Variants in PDE4D observed in about 807,000 individuals in gnomAD.
PDE4D encodes the protein phosphodiesterase 4D.
PDE4D carries 24 observed loss-of-function variants against 87.4 expected under a neutral mutation model. The observed-to-expected ratio is 0.27, with a 90% CI of 0.20 to 0.39. The LOEUF (loss-of-function observed/expected upper bound fraction) is 0.39, where lower values mean the gene tolerates loss of function less well. Among genes scored for constraint, PDE4D ranks in the 10% least tolerant of loss-of-function variants. The pLI, the probability that PDE4D is intolerant of heterozygous loss-of-function variation, is 1.00. For synonymous variants in PDE4D, 384 were observed against 383.2 expected (o/e 1.00, Z -0.02); for missense variants, 714 against 1,041.0 (o/e 0.69, Z 4.32).
intron 1 of PDE4D, among the ~76,000 whole-genome samples, chr5:59,531,666 C>G (rs1257820783): frequency 1.3e-5 from 2 of 152,148 alleles, no homozygotes. Context: ...CCCCTTCTTT[C>G]ATTTCCAAAG....
At chr5:59,828,858 G>A (rs1210449880) in intron 1 of PDE4D, among the ~76,000 whole-genome samples, 5 of 152,040 alleles carry the variant, frequency 3.3e-5, no homozygotes, top group African/African-American at 7.2e-5. Flanking sequence ...TTAGAGGACC[G>A]GCAGGTAGGC....
intron 1 of PDE4D, among the ~76,000 whole-genome samples, chr5:59,662,465 A>G (rs1745414233): frequency 1.3e-5 from 2 of 152,192 alleles, no homozygotes; most frequent in Admixed American, 1.3e-4. Context: ...AACCATTTGA[A>G]TCCTTTTAGT....
intron 1 of PDE4D, among the ~76,000 whole-genome samples, chr5:59,405,484 T>C (rs1791451448): frequency 6.6e-6 from 1 of 152,234 alleles, no homozygotes; most frequent in Admixed American, 6.5e-5. Context: ...GTGAAGTCTT[T>C]AGGTTTTTCC....
intron 2 of PDE4D, among the ~76,000 whole-genome samples, chr5:60,054,499 G>A (rs2152882356): frequency 6.6e-6 from 1 of 152,166 alleles, no homozygotes; most frequent in African/African-American, 2.4e-5. Context: ...CATGGACACA[G>A]GGAGGGGAAC....
intron 1 of PDE4D, among the ~76,000 whole-genome samples, chr5:59,662,024 A>G (rs1285509922): frequency 1.3e-5 from 2 of 152,166 alleles, no homozygotes; most frequent in Non-Finnish European, 2.9e-5. Context: ...GCTTGGGCTA[A>G]TGGAATGTGA....
chr5:59,319,989 A>G (rs1774424704), intron 1 of PDE4D, among the ~76,000 whole-genome samples: 1 of 152,124 alleles, frequency 6.6e-6, no homozygotes, highest in African/African-American at 2.4e-5. Context: ...TAAAGCAGTG[A>G]AGCAAAACTA....
intron 1 of PDE4D, among the ~76,000 whole-genome samples, chr5:59,508,909 A>C (rs1220874450): frequency 6.6e-6 from 1 of 152,084 alleles, no homozygotes; most frequent in Non-Finnish European, 1.5e-5. Context: ...GAAGTGGAAA[A>C]TATGAAAGCA....
intron 1 of PDE4D, among the ~76,000 whole-genome samples, chr5:59,713,206 C>G (rs1422437218): frequency 6.6e-6 from 1 of 152,162 alleles, no homozygotes; most frequent in Admixed American, 6.5e-5. Flanking sequence ...GACAGACATA[C>G]CTCATCTGAC....
intron 1 of PDE4D, among the ~76,000 whole-genome samples, chr5:59,281,545 T>C (rs1289778521): frequency 6.6e-6 from 1 of 152,166 alleles, no homozygotes; most frequent in Non-Finnish European, 1.5e-5. Context: ...AAGTATTTTT[T>C]ATTATGGTAA....
intron 1 of PDE4D, among the ~76,000 whole-genome samples, chr5:59,773,665 G>C (rs973973403): frequency 2.0e-5 from 3 of 151,828 alleles, no homozygotes; most frequent in Non-Finnish European, 4.4e-5. Flanking sequence ...TTTCCACTTA[G>C]CCAAATAATA....
At chr5:60,194,213 T>C (rs973195446) in intron 1 of PDE4D, among the ~76,000 whole-genome samples, 2 of 151,678 alleles carry the variant, frequency 1.3e-5, no homozygotes, top group Admixed American at 6.6e-5. Context: ...TGCAAGCAAG[T>C]TTTACTCCTT....
rs367967903 is a variant in PDE4D at position 60,186,985 on chromosome 5, G to T, written c.-89-1298C>A. Among the ~76,000 whole-genome samples the T allele has an allele frequency of 1.3e-3, 195 of 152,280 alleles. 1 individual carries two copies. The highest frequency in any genetic ancestry group is 4.5e-3 in the African/African-American group (186 of 41,574). ...ATAAAAGGAAGACACTTTGCGGGAG[G>T]TAAGAGGTCCCGTAACAGCAAAGTA... On this transcript the variant is annotated intron_variant, in intron 1 of 16. Transcript: ENST00000502484.
At chr5:60,368,617 A>T (rs915674753) in intron 1 of PDE4D, among the ~76,000 whole-genome samples, 2 of 152,150 alleles carry the variant, frequency 1.3e-5, no homozygotes, top group Non-Finnish European at 2.9e-5. Context: ...GTTTGGCTCT[A>T]TGTCCCCACC....
chr5:60,214,465 A>G (rs944359642), intron 1 of PDE4D, among the ~76,000 whole-genome samples: 5 of 152,210 alleles, frequency 3.3e-5, no homozygotes, highest in Non-Finnish European at 7.3e-5. Context: ...GTTACCTACG[A>G]GTAAGGTGGT....
At chr5:60,133,545 T>C (rs1779771216) in intron 2 of PDE4D, among the ~76,000 whole-genome samples, 1 of 152,022 alleles carries the variant, frequency 6.6e-6, no homozygotes, top group Non-Finnish European at 1.5e-5. Context: ...CTGACGTAAC[T>C]ATCATGAAAA....
At chr5:60,338,945 A>C (rs1271794915) in intron 1 of PDE4D, among the ~76,000 whole-genome samples, 1 of 152,146 alleles carries the variant, frequency 6.6e-6, no homozygotes. Context: ...CTGAAACTGC[A>C]CTGATAGTAC....
intron 1 of PDE4D, among the ~76,000 whole-genome samples, chr5:59,738,535 A>T (rs1422665732): frequency 3.9e-5 from 6 of 152,218 alleles, no homozygotes; most frequent in East Asian, 1.9e-4. Context: ...AGAAAAGTAA[A>T]CACATAATAG....
chr5:60,109,310 G>C (rs1562105721), intron 2 of PDE4D, among the ~76,000 whole-genome samples: 1 of 152,156 alleles, frequency 6.6e-6, no homozygotes, highest in Non-Finnish European at 1.5e-5. Flanking sequence ...ACCACAATGA[G>C]ATACCATCTC....
intron 1 of PDE4D, among the ~76,000 whole-genome samples, chr5:60,295,247 T>C (rs1421335671): frequency 6.6e-6 from 1 of 152,254 alleles, no homozygotes; most frequent in Non-Finnish European, 1.5e-5. Context: ...GTCCCCTTTA[T>C]GGAAGCTATT....
Sources: gnomAD v4.1 joint callset for allele counts (sites outside exome capture counted in the v4.1 genomes callset) on GRCh38, gnomAD v4.1.1 for gene constraint, MANE v1.5 for transcripts, NCBI Gene and HGNC (gene_info 2026-07-23, HGNC 2026-07-21) for gene names.